HDAC8: variants seen among roughly 807,000 people sequenced by gnomAD.
HDAC8 encodes the protein histone deacetylase 8.
Under a neutral mutation model 32.2 loss-of-function variants are expected in HDAC8, and 1 was observed. The ratio of observed to expected loss-of-function variants is 0.03; its 90% CI spans 0.01 to 0.15. The LOEUF (loss-of-function observed/expected upper bound fraction) is 0.15. Ranked by LOEUF, HDAC8 falls within the 10% of genes least tolerant of loss-of-function variation. The pLI, the probability that HDAC8 is intolerant of heterozygous loss-of-function variation, is 1.00. For synonymous variants in HDAC8, 108 were observed against 113.9 expected (o/e 0.95, Z 0.33); for missense variants, 117 against 300.0 (o/e 0.39, Z 4.51).
Position 72,398,956 on chromosome X carries a change from T to C in HDAC8, c.1006-47118A>G, listed in dbSNP as rs1238718028. 5.4e-5 allele frequency among the ~76,000 whole-genome samples: 6 copies of C among 110,221 alleles called. No homozygotes were observed. In the Admixed American group the frequency reaches 5.8e-4, roughly 11 times the overall value. Reference sequence around the variant, plus strand: ...AGCATTTGGGGCAGGACAAATAATATGGGGCTGGCTCTTACGTCTCAGGAC... The same window carrying C: ...AGCATTTGGGGCAGGACAAATAATACGGGGCTGGCTCTTACGTCTCAGGAC... On this transcript the variant is annotated intron_variant, in intron 9 of 10. Transcript: ENST00000373573.
At chrX:72,473,684 G>A in intron 7 of HDAC8, 1 of 753,468 alleles carries the variant, frequency 1.3e-6, no homozygotes. Context: ...GACTTACTGA[G>A]CTCCTATGCA....
intron 7 of HDAC8, among the ~76,000 whole-genome samples, chrX:72,473,036 C>T (rs1555998596): frequency 8.9e-6 from 1 of 111,769 alleles, no homozygotes; most frequent in African/African-American, 3.3e-5. Context: ...CACACAAAAC[C>T]ATCAAATTAA....
At position 72,510,481 on chromosome X, in the gene HDAC8, G is replaced by A. The variant is rs900624789; in HGVS notation, c.438-15213C>T. ...AGAACGTTGACTATGAGTCCATGAT[G>A]GTGAAAAGTGCTGGAAGGCCAGTTT... is the stretch of plus-strand genomic sequence containing the variant. On this transcript the variant is annotated intron_variant, in intron 4 of 10. Coordinates refer to ENST00000373573, the MANE Select transcript of HDAC8 (RefSeq NM_018486.3). Among the ~76,000 whole-genome samples the A allele has an allele frequency of 2.7e-5, 3 of 111,725 alleles. 1 individual carries two copies. The highest frequency in any genetic ancestry group is 5.7e-5 in the Non-Finnish European group (3 of 53,095).
At chrX:72,454,804 T>C (rs2047678228) in intron 9 of HDAC8, among the ~76,000 whole-genome samples, 2 of 112,692 alleles carry the variant, frequency 1.8e-5, no homozygotes, top group East Asian at 2.8e-4. Context: ...TGGAGACCAA[T>C]AAAGCCTTGG....
chrX:72,510,217 T>C (rs143748676), intron 4 of HDAC8, among the ~76,000 whole-genome samples: 1 of 112,005 alleles, frequency 8.9e-6, no homozygotes, highest in East Asian at 2.8e-4. Flanking sequence ...AGAATTTACA[T>C]AGGAACACGT....
intron 4 of HDAC8, among the ~76,000 whole-genome samples, chrX:72,500,471 A>C (rs1489851042): frequency 8.9e-6 from 1 of 112,269 alleles, no homozygotes; most frequent in Non-Finnish European, 1.9e-5. Flanking sequence ...AGGTTGGCTC[A>C]ATATATGCGA....
At chrX:72,348,442 C>T (rs782223205) in intron 10 of HDAC8, among the ~76,000 whole-genome samples, 4 of 112,361 alleles carry the variant, frequency 3.6e-5, no homozygotes, top group South Asian at 7.4e-4. Context: ...GTCATGGCAA[C>T]GCACTATCTG....
chrX:72,466,646 T>C (rs1259652948), intron 7 of HDAC8: 1 of 111,896 alleles, frequency 8.9e-6, no homozygotes, highest in African/African-American at 3.2e-5. Flanking sequence ...CTCTGGAAAA[T>C]AGTTTGGCAG....
At position 72,454,324 on chromosome X, in the gene HDAC8, T is replaced by C. The variant is rs147140323; in HGVS notation, c.1005+7680A>G. ...ACGGTCCAGCCAAACACAGCCCAATTAGGGATATAAGGGGTGTTGTCCAGA... is the reference window on the plus strand; with the variant it reads ...ACGGTCCAGCCAAACACAGCCCAATCAGGGATATAAGGGGTGTTGTCCAGA... On this transcript the variant is annotated intron_variant, in intron 9 of 10. Transcript: ENST00000373573. Among the ~76,000 whole-genome samples, 903 of 110,446 alleles carry C rather than the reference T, an allele frequency of 8.2e-3. 13 individuals carry two copies. Among genetic ancestry groups the C allele is most frequent in the African/African-American group, 0.028 (856 of 30,330 alleles).
intron 7 of HDAC8, chrX:72,467,698 T>C: frequency 3.2e-6 from 1 of 307,992 alleles, no homozygotes; most frequent in Non-Finnish European, 5.6e-6. Flanking sequence ...GAAGGCATAA[T>C]TAGATTTCCA....
intron 4 of HDAC8, among the ~76,000 whole-genome samples, chrX:72,533,262 C>T (rs1556037094): frequency 1.8e-5 from 2 of 111,821 alleles, no homozygotes; most frequent in African/African-American, 3.2e-5. Context: ...ATTACTGTAG[C>T]TTTATGGTAA....
chrX:72,400,769 A>T (rs2045879521), intron 9 of HDAC8, among the ~76,000 whole-genome samples: 1 of 111,999 alleles, frequency 8.9e-6, no homozygotes, highest in South Asian at 3.7e-4. Context: ...ACCAATACTT[A>T]TTAGCAGTCA....
chrX:72,553,133 C>T (rs1556078882), intron 4 of HDAC8, among the ~76,000 whole-genome samples: 1 of 111,157 alleles, frequency 9.0e-6, no homozygotes, highest in African/African-American at 3.3e-5. Context: ...CAGCCTCCTC[C>T]TCCCAGGTTC....
intron 4 of HDAC8, among the ~76,000 whole-genome samples, chrX:72,562,123 G>A (rs782119302): frequency 8.9e-6 from 1 of 112,194 alleles, no homozygotes; most frequent in South Asian, 3.7e-4. Context: ...ACAGTGTGGA[G>A]ACTCCTTAAA....
chrX:72,467,812 T>G, intron 7 of HDAC8: 1 of 593,938 alleles, frequency 1.7e-6, no homozygotes, highest in Non-Finnish European at 2.5e-6. Flanking sequence ...AAGAGATAGA[T>G]TTGGGAGAAA....
intron 9 of HDAC8, among the ~76,000 whole-genome samples, chrX:72,448,696 G>A (rs1466060868): frequency 1.8e-5 from 2 of 112,056 alleles, no homozygotes; most frequent in Admixed American, 9.5e-5. Flanking sequence ...CTGATAAAAG[G>A]CTAATATCTA....
chrX:72,383,716 A>G (rs2045334217), intron 9 of HDAC8, among the ~76,000 whole-genome samples: 1 of 109,533 alleles, frequency 9.1e-6, no homozygotes, highest in African/African-American at 3.3e-5. Flanking sequence ...TAAAAACACA[A>G]AAAATTAGCC....
chrX:72,489,079 A>G (rs782741783), intron 6 of HDAC8, 38 bp from the exon 7 acceptor site: 1 of 960,918 alleles, frequency 1.0e-6, no homozygotes, highest in East Asian at 3.1e-5. Flanking sequence ...GTTATTAGGA[A>G]CATGAGAACC....
At position 72,565,812 on chromosome X, in the gene HDAC8, A is replaced by AT. The variant is rs1256967609; in HGVS notation, c.437+2076dup. Among the ~76,000 whole-genome samples the AT allele has an allele frequency of 1.7e-3, 186 of 109,980 alleles. 1 individual carries two copies. Among genetic ancestry groups the AT allele is most frequent in the African/African-American group, 5.7e-3 (172 of 30,269 alleles). The stretch of plus-strand genomic sequence containing the variant: ...TCTGCACCTGGGAGGGGAGAGGGTC[A>AT]TTTTTTTTCTCCTAGCAGTCATTGT... On this transcript the variant is annotated intron_variant, in intron 4 of 10. Transcript: ENST00000373573.
Sources: allele counts gnomAD v4.1 joint callset (sites outside exome capture counted in the v4.1 genomes callset), GRCh38; gene constraint gnomAD v4.1.1; transcripts MANE v1.5; gene names NCBI Gene and HGNC (gene_info 2026-07-23, HGNC 2026-07-21).